Variants in OR10A2 observed in about 807,000 individuals in gnomAD.
OR10A2 encodes the protein olfactory receptor 10A2.
A neutral mutation model predicts 13.7 loss-of-function variants in OR10A2; 15 were observed. That is an observed-to-expected ratio of 1.10 (90% CI 0.73 to 1.69). OR10A2 has a LOEUF of 1.69. OR10A2 is among the 40% of genes most tolerant of loss of function. The pLI, the probability that OR10A2 is intolerant of heterozygous loss-of-function variation, is 0.00. For missense variants in OR10A2, 343 were observed against 361.1 expected, an observed-to-expected ratio of 0.95 and a Z score of 0.41; for synonymous variants, 145 against 144.7, an observed-to-expected ratio of 1.00 and a Z score of -0.02.
intron 1 of OR10A2, among the ~76,000 whole-genome samples, chr11:6,864,637 T>C (rs75209423): frequency 0.18 from 27,419 of 151,954 alleles, 2,983 homozygotes; most frequent in Non-Finnish European, 0.24. Flanking sequence ...TTTTGAGGAT[T>C]TGAAGGAGTC....
intron 1 of OR10A2, among the ~76,000 whole-genome samples, chr11:6,866,960 A>G (rs1160799341): frequency 6.6e-6 from 1 of 152,010 alleles, no homozygotes; most frequent in East Asian, 1.9e-4. Context: ...ATTCTGGAAT[A>G]CCTGTTATAG....
At chr11:6,863,627 G>A (rs149840807) in intron 1 of OR10A2, among the ~76,000 whole-genome samples, 1 of 152,148 alleles carries the variant, frequency 6.6e-6, no homozygotes, top group African/African-American at 2.4e-5. Flanking sequence ...TCTGAGTCAG[G>A]AAGCTTCCAG....
Position 6,870,751 on chromosome 11 carries a change from C to A in OR10A2, c.*85C>A. 1.8e-6 allele frequency: 2 copies of A among 1,119,004 alleles called. No homozygotes were observed. Among genetic ancestry groups the A allele is most frequent in the Non-Finnish European group, 2.6e-6 (2 of 780,350 alleles). The allele number at this position is 1,119,004 out of a possible 1,614,324, so 69.3% of individuals were successfully genotyped here. A position where few individuals can be genotyped will look rare whatever the true frequency, so the allele number is the denominator to read the frequency against. ...TTCCTCTCTGCATCTTTCCACATCT[C>A]CAATAAGATGAAGTCCTGTTGCTGA... On this transcript the variant is annotated 3_prime_UTR_variant, in exon 2 of 2. Coordinates refer to ENST00000641461, the MANE Select transcript of OR10A2 (RefSeq NM_001004460.2).
Position 6,869,850 on chromosome 11 carries a change from C to T in OR10A2, c.96C>T (p.Ile32=). ...TCACCCTGATGGGAAACTGCCTCAT[C>T]ATTCTGGTTACCCTAGCTGACCCCA... ...YLVTLMGNCL[I]ILVTLADPML... Residue 32 remains isoleucine, a synonymous_variant, in exon 2 of 2, where the codon ATC becomes ATT. Coordinates refer to ENST00000641461, the MANE Select transcript of OR10A2 (RefSeq NM_001004460.2). The T allele has an allele frequency of 1.2e-6, 2 of 1,614,172 alleles. No homozygotes were observed. The highest frequency in any genetic ancestry group is 1.7e-6 in the Non-Finnish European group (2 of 1,179,988).
Position 6,873,969 on chromosome 11 carries a change from C to A in OR10A2, c.*3303C>A, listed in dbSNP as rs1848460767. 6.6e-6 allele frequency: 1 copy of A among 152,086 alleles called. No individual in the cohort carries two copies. The allele number at this position is 152,086 out of a possible 1,614,324, so 9.4% of individuals were successfully genotyped here. A position where few individuals can be genotyped will look rare whatever the true frequency, so the allele number is the denominator to read the frequency against. On this transcript the variant is annotated 3_prime_UTR_variant, in exon 2 of 2. Coordinates refer to ENST00000641461, the MANE Select transcript of OR10A2 (RefSeq NM_001004460.2). ...AGTAAAAATAATCAAATTTGGGGCA[C>A]AAATTAAAGGATTATATCCCAGTTC...
chr11:6,866,431 A>G (rs531911971), intron 1 of OR10A2, among the ~76,000 whole-genome samples: 1 of 152,060 alleles, frequency 6.6e-6, no homozygotes, highest in East Asian at 1.9e-4. Flanking sequence ...TTTTTTTTTA[A>G]TTTTAGCTTA....
chr11:6,863,835 G>C (rs559525660), intron 1 of OR10A2, among the ~76,000 whole-genome samples: 1 of 152,306 alleles, frequency 6.6e-6, no homozygotes, highest in East Asian at 1.9e-4. Flanking sequence ...GATTAGCAAA[G>C]GGATGTTCCT....
In OR10A2 at chr11:6,871,514, T is replaced by A. The variant is rs1231634139; in HGVS notation, c.*848T>A. 5 of 152,246 alleles carry A rather than the reference T, an allele frequency of 3.3e-5. No homozygotes were observed. The highest frequency in any genetic ancestry group is 9.6e-5 in the African/African-American group (4 of 41,462). 9.4% of individuals were successfully genotyped at this position (152,246 alleles called of 1,614,324 possible). On this transcript the variant is annotated 3_prime_UTR_variant, in exon 2 of 2. Coordinates refer to ENST00000641461, the MANE Select transcript of OR10A2 (RefSeq NM_001004460.2). ...CTTACTGGTATGCAGTATGCATGTATGAGAGTAGATCAAAAGTTCACATGC... is the reference window on the plus strand; with the variant it reads ...CTTACTGGTATGCAGTATGCATGTAAGAGAGTAGATCAAAAGTTCACATGC...
chr11:6,866,640 C>T (rs1465699444), intron 1 of OR10A2, among the ~76,000 whole-genome samples: 1 of 151,952 alleles, frequency 6.6e-6, no homozygotes, highest in Non-Finnish European at 1.5e-5. Flanking sequence ...AGCATATATG[C>T]ATTTCCCTAA....
Position 6,870,393 on chromosome 11 carries a change from C to T in OR10A2, c.639C>T (p.Leu213=), listed in dbSNP as rs762954373. 6.2e-7 allele frequency: 1 copy of T among 1,614,230 alleles called. No homozygotes were observed. ...ATACTCACATTGCTGCTGCCATCCT[C>T]AAGATCCCATCAGCTAAAGGGAAGA... ...CSYTHIAAAI[L]KIPSAKGKNK... is the part of the protein sequence containing the mutation. The change falls in exon 2 of 2, where the codon CTC becomes CTT. Residue 213 remains leucine, a synonymous_variant. Transcript: ENST00000641461.
rs748875219 is a variant in OR10A2 at position 6,873,250 on chromosome 11, T to C, written c.*2584T>C. ...ACATGCAACTTTAAAGACAAGGCATTAGTAGAAACAACATTTGGTTCCCAG... is the reference window on the plus strand; with the variant it reads ...ACATGCAACTTTAAAGACAAGGCATCAGTAGAAACAACATTTGGTTCCCAG... On this transcript the variant is annotated 3_prime_UTR_variant, in exon 2 of 2. Transcript: ENST00000641461. 6.6e-6 allele frequency: 1 copy of C among 152,156 alleles called. No individual in the cohort carries two copies. Among genetic ancestry groups the C allele is most frequent in the Non-Finnish European group, 1.5e-5 (1 of 68,040 alleles). 9.4% of individuals were successfully genotyped at this position (152,156 alleles called of 1,614,324 possible).
intron 1 of OR10A2, among the ~76,000 whole-genome samples, chr11:6,868,041 C>A (rs1044339998): frequency 3.3e-5 from 5 of 152,148 alleles, no homozygotes; most frequent in African/African-American, 1.2e-4. Flanking sequence ...TCAGCCACCA[C>A]GCCTGGCCTA....
chr11:6,864,122 G>A (rs1848362243), intron 1 of OR10A2, among the ~76,000 whole-genome samples: 1 of 152,126 alleles, frequency 6.6e-6, no homozygotes, highest in Non-Finnish European at 1.5e-5. Context: ...GCCATGAGCT[G>A]CCACCTTCTG....
chr11:6,868,124 T>A (rs1590018226), intron 1 of OR10A2, among the ~76,000 whole-genome samples: 1 of 152,224 alleles, frequency 6.6e-6, no homozygotes, highest in East Asian at 1.9e-4. Flanking sequence ...TAAACTTACA[T>A]TTGTTTTTCT....
Position 6,871,360 on chromosome 11 carries a change from A to C in OR10A2, c.*694A>C, listed in dbSNP as rs1409587889. 2.0e-5 allele frequency: 3 copies of C among 152,094 alleles called. No individual in the cohort carries two copies. Among genetic ancestry groups the C allele is most frequent in the Non-Finnish European group, 4.4e-5 (3 of 68,018 alleles). The allele number at this position is 152,094 out of a possible 1,614,324, so 9.4% of individuals were successfully genotyped here. A position where few individuals can be genotyped will look rare whatever the true frequency, so the allele number is the denominator to read the frequency against. ...AAAACCCAATAAAAATCATCTTGTCACTTTTCCTCTTCTGGGCAGATCTGA... is the reference window on the plus strand; with the variant it reads ...AAAACCCAATAAAAATCATCTTGTCCCTTTTCCTCTTCTGGGCAGATCTGA... On this transcript the variant is annotated 3_prime_UTR_variant, in exon 2 of 2. Coordinates refer to ENST00000641461, the MANE Select transcript of OR10A2 (RefSeq NM_001004460.2).
rs1848410481 is a variant in OR10A2 at position 6,869,828 on chromosome 11, C to T, written c.74C>T (p.Thr25Ile). ...ACATTTCTAACCATCTACCTGGTCA[C>T]CCTGATGGGAAACTGCCTCATCATT... is the stretch of plus-strand genomic sequence containing the variant. ...FLTFLTIYLV[T>I]LMGNCLIILV... Residue 25 changes from threonine (T) to isoleucine (I), a missense_variant, in exon 2 of 2, where the codon ACC becomes ATC. Physicochemically the swap from Thr to Ile is moderately conservative, Grantham distance 89. Transcript: ENST00000641461. 1 of 1,614,188 alleles carries T rather than the reference C, an allele frequency of 6.2e-7. No homozygotes were observed. The highest frequency in any genetic ancestry group is 8.5e-7 in the Non-Finnish European group (1 of 1,180,024).
chr11:6,864,568 G>A (rs560725956), intron 1 of OR10A2, among the ~76,000 whole-genome samples: 30 of 152,076 alleles, frequency 2.0e-4, no homozygotes, highest in Non-Finnish European at 4.4e-4. Context: ...AAAGGATAGA[G>A]GAAAATAGAG....
In OR10A2 at chr11:6,870,670, T is replaced by G. The variant is rs770269314; in HGVS notation, c.*4T>G. 5.2e-6 allele frequency: 8 copies of G among 1,537,664 alleles called. No individual in the cohort carries two copies. Among genetic ancestry groups the G allele is most frequent in the Middle Eastern group, 1.7e-4 (1 of 5,726 alleles). ...CCTCAGAAACTGTATCCCATAGACC[T>G]TAGGAAGTAAGGCTACATTTTACTG... is the stretch of plus-strand genomic sequence containing the variant. On this transcript the variant is annotated 3_prime_UTR_variant, in exon 2 of 2. Transcript: ENST00000641461.
chr11:6,870,947 CTTTT>C lies in OR10A2; in HGVS notation c.*295_*298del, dbSNP rs35120311. The C allele has an allele frequency of 1.4e-4, 19 of 138,542 alleles. No homozygotes were observed. Among genetic ancestry groups the C allele is most frequent in the Non-Finnish European group, 2.0e-4 (14 of 69,458 alleles). 8.6% of individuals were successfully genotyped at this position (138,542 alleles called of 1,614,324 possible). A position where few individuals can be genotyped will look rare whatever the true frequency, so the allele number is the denominator to read the frequency against. On this transcript the variant is annotated 3_prime_UTR_variant, in exon 2 of 2. Transcript: ENST00000641461. ...CCAACTATTTCCAGGTGTTATATTT[CTTTT>C]TTTTTTTTTTTTTGAGACGGAGTCT... is the stretch of plus-strand genomic sequence containing the variant.
Sources: allele counts gnomAD v4.1 joint callset (sites outside exome capture counted in the v4.1 genomes callset), GRCh38; gene constraint gnomAD v4.1.1; transcripts MANE v1.5; gene names NCBI Gene and HGNC (gene_info 2026-07-23, HGNC 2026-07-21).